TLE1: variants seen among roughly 807,000 people sequenced by gnomAD.
The protein encoded by TLE1 is TLE family member 1, transcriptional corepressor.
In TLE1, 21 loss-of-function variants were observed where a neutral mutation model predicts 89.8. The observed-to-expected ratio is 0.23, with a 90% confidence interval of 0.17 to 0.34. TLE1 has a LOEUF of 0.34. TLE1 is among the 10% of genes least tolerant of loss of function. TLE1 has a pLI of 1.00. For synonymous variants in TLE1, 447 were observed against 407.6 expected, an observed-to-expected ratio of 1.10 and a Z score of -1.16; for missense variants, 795 against 1,031.2, an observed-to-expected ratio of 0.77 and a Z score of 3.14.
Position 81,687,050 on chromosome 9 carries a change from T to G in TLE1, c.125+284A>C, listed in dbSNP as rs576199516. ...TCTGCTGAAAAATAAATACATGAAG[T>G]GCAAATATTGACGATTCTCATGCAA... On this transcript the variant is annotated intron_variant, in intron 2 of 19. Coordinates refer to ENST00000376499, the MANE Select transcript of TLE1 (RefSeq NM_005077.5). Among the ~76,000 whole-genome samples, 9 of 152,026 alleles carry G rather than the reference T, an allele frequency of 5.9e-5. No individual in the cohort carries two copies. In the South Asian group the frequency reaches 1.9e-3, roughly 32 times the overall value.
At chr9:81,619,999 C>T (rs11139342) in intron 9 of TLE1, among the ~76,000 whole-genome samples, 1 of 152,170 alleles carries the variant, frequency 6.6e-6, no homozygotes, top group African/African-American at 2.4e-5. Flanking sequence ...TTTTGTGACA[C>T]TATAATTTTT....
At chr9:81,627,383 C>A (rs548960974) in intron 8 of TLE1, among the ~76,000 whole-genome samples, 1 of 151,428 alleles carries the variant, frequency 6.6e-6, no homozygotes, top group Non-Finnish European at 1.5e-5. Context: ...AAAACCTGAA[C>A]GTTAATCCAG....
chr9:81,616,777 T>G (rs1824574571), intron 9 of TLE1, 78 bp from the exon 10 acceptor site: 3 of 1,553,696 alleles, frequency 1.9e-6, no homozygotes, highest in Non-Finnish European at 2.7e-6. Context: ...CTTTCTATAG[T>G]TCCTGGTAGC....
chr9:81,634,470 G>A (rs1264689944), intron 6 of TLE1, among the ~76,000 whole-genome samples, 169 bp from the exon 7 acceptor site: 1 of 144,066 alleles, frequency 6.9e-6, no homozygotes, highest in Non-Finnish European at 1.5e-5. Flanking sequence ...AAGAGAGGGA[G>A]GAAAGGGGAA....
intron 4 of TLE1, among the ~76,000 whole-genome samples, chr9:81,668,317 C>T (rs1189242682): frequency 2.0e-5 from 3 of 151,972 alleles, no homozygotes; most frequent in South Asian, 4.1e-4. Flanking sequence ...ATTTTAGTCA[C>T]GATTAAAATG....
chr9:81,631,314 C>T (rs755617941), intron 8 of TLE1, among the ~76,000 whole-genome samples: 8 of 152,230 alleles, frequency 5.3e-5, no homozygotes, highest in Non-Finnish European at 1.2e-4. Flanking sequence ...TTATCCGACA[C>T]ATTCGGAAAT....
intron 14 of TLE1, among the ~76,000 whole-genome samples, chr9:81,603,927 G>A (rs576632076): frequency 3.0e-4 from 45 of 152,180 alleles, no homozygotes; most frequent in African/African-American, 7.7e-4. Context: ...GCTTGAACCC[G>A]GGAGGTAGAA....
intron 4 of TLE1, among the ~76,000 whole-genome samples, chr9:81,665,461 C>T (rs1045925563): frequency 6.6e-6 from 1 of 152,028 alleles, no homozygotes; most frequent in African/African-American, 2.4e-5. Context: ...TATCCTTTCA[C>T]TCCTCATCTT....
In TLE1 at chr9:81,677,547, A is replaced by G. The variant is rs1282117426; in HGVS notation, c.234+8129T>C. Among the ~76,000 whole-genome samples, 3 of 143,438 alleles carry G rather than the reference A, an allele frequency of 2.1e-5. No homozygotes were observed. The East Asian group carries it at 6.8e-4, about 33-fold the overall frequency. 94.1% of individuals were successfully genotyped at this position (143,438 alleles called of 152,430 possible). ...GCCACTGCACCCCAGCCTGGGTAAC[A>G]GAGCGAGACTCCATCTCAAAAAAAA... On this transcript the variant is annotated intron_variant, in intron 4 of 19. Coordinates refer to ENST00000376499, the MANE Select transcript of TLE1 (RefSeq NM_005077.5).
intron 2 of TLE1, among the ~76,000 whole-genome samples, 166 bp from the exon 3 acceptor site, chr9:81,686,062 A>G (rs542263261): frequency 1.3e-5 from 2 of 152,346 alleles, no homozygotes; most frequent in South Asian, 4.1e-4. Flanking sequence ...AGGGAAAAGG[A>G]ATAATGTGAA....
At chr9:81,607,170 T>C (rs1355838729) in intron 14 of TLE1, among the ~76,000 whole-genome samples, 4 of 152,072 alleles carry the variant, frequency 2.6e-5, no homozygotes, top group Non-Finnish European at 5.9e-5. Flanking sequence ...TACCCCGACA[T>C]AGTATCACAA....
intron 8 of TLE1, among the ~76,000 whole-genome samples, chr9:81,630,757 T>C (rs957390713): frequency 6.6e-6 from 1 of 152,228 alleles, no homozygotes. Context: ...CTTTATTAAA[T>C]AGATAAGTAC....
chr9:81,673,912 G>A (rs1832572082), intron 4 of TLE1, among the ~76,000 whole-genome samples: 1 of 152,156 alleles, frequency 6.6e-6, no homozygotes, highest in Admixed American at 6.5e-5. Flanking sequence ...GGGCCTGGAT[G>A]CCCTTTCTCC....
intron 6 of TLE1, among the ~76,000 whole-genome samples, chr9:81,635,196 C>T (rs944350763): frequency 6.6e-6 from 1 of 152,158 alleles, no homozygotes; most frequent in Non-Finnish European, 1.5e-5. Context: ...ACATTAGAAA[C>T]GAAACTTTGT....
chr9:81,674,279 T>A (rs899593074), intron 4 of TLE1, among the ~76,000 whole-genome samples: 2 of 152,234 alleles, frequency 1.3e-5, no homozygotes, highest in African/African-American at 4.8e-5. Flanking sequence ...TTCTATTGTG[T>A]CTGTGCGTGT....
chr9:81,620,421 C>A lies in TLE1; in HGVS notation c.711+20G>T, dbSNP rs781750335. 2 of 1,573,520 alleles carry A rather than the reference C, an allele frequency of 1.3e-6. No individual in the cohort carries two copies. Among genetic ancestry groups the A allele is most frequent in the Non-Finnish European group, 8.7e-7 (1 of 1,147,724 alleles). Reference sequence around the variant, plus strand: ...AGCAGTAAGCAAACAAATATTATTTCAAGTCCTTTAATTACTTACATAGTG... The same window carrying A: ...AGCAGTAAGCAAACAAATATTATTTAAAGTCCTTTAATTACTTACATAGTG... On this transcript the variant is annotated intron_variant, in intron 9 of 19. Transcript: ENST00000376499.
intron 4 of TLE1, among the ~76,000 whole-genome samples, chr9:81,675,708 G>GTTTTTTTTTTTTTTTT (rs61458315): frequency 1.5e-5 from 2 of 132,438 alleles, no homozygotes; most frequent in African/African-American, 3.0e-5. Context: ...GTTTTTTTTT[G>GTTTTTTTTTTTTTTTT]TTTTTTTTTT....
At chr9:81,660,250 C>T (rs182295081) in intron 4 of TLE1, among the ~76,000 whole-genome samples, 58 of 151,702 alleles carry the variant, frequency 3.8e-4, no homozygotes, top group African/African-American at 8.0e-4. Context: ...CCTCAATGAA[C>T]CAAAACTTAA....
In TLE1 at chr9:81,654,009, T is replaced by C; in HGVS notation, c.262A>G (p.Ile88Val). Residue 88 changes from isoleucine to valine, a missense_variant, in exon 5 of 20, where the codon ATT becomes GTT. By Grantham distance (29) the Ile-to-Val change is conservative (BLOSUM62 3). This residue lies in a region of TLE1 where 66 missense variants were observed against 118.7 expected (regional missense o/e 0.56). Transcript: ENST00000376499. ...QTEIAKRLNT[I>V]CAQVIPFLSQ... is the part of the protein sequence containing the mutation. ...AGAAATGGGATGACTTGTGCACAAA[T>C]CGTATTCAATCTCTTGGCGATTTCA... 1 of 1,614,022 alleles carries C rather than the reference T, an allele frequency of 6.2e-7. No homozygotes were observed. The highest frequency in any genetic ancestry group is 8.5e-7 in the Non-Finnish European group (1 of 1,179,990).
Sources: gnomAD v4.1 joint callset for allele counts (sites outside exome capture counted in the v4.1 genomes callset) on GRCh38, gnomAD v4.1.1 for gene constraint, gnomAD v4.1.1 regional missense constraint, MANE v1.5 for transcripts, NCBI Gene and HGNC (gene_info 2026-07-23, HGNC 2026-07-21) for gene names.